CORIN: variants seen among roughly 807,000 people sequenced by gnomAD.
CORIN encodes corin, serine peptidase.
In CORIN, 117 loss-of-function variants were observed where a neutral mutation model predicts 125.3. The observed-to-expected ratio is 0.93, with a 90% CI of 0.80 to 1.09. The LOEUF is 1.09. Ranked by LOEUF, CORIN falls within the 50% of genes least tolerant of loss-of-function variation. The pLI is 0.00. For synonymous variants in CORIN, 450 were observed against 466.4 expected, an observed-to-expected ratio of 0.96 and a Z score of 0.45; for missense variants, 1,253 against 1,306.7, an observed-to-expected ratio of 0.96 and a Z score of 0.63.
chr4:47,691,514 T>C (rs1360200040), intron 6 of CORIN, among the ~76,000 whole-genome samples: 1 of 152,190 alleles, frequency 6.6e-6, no homozygotes, highest in Non-Finnish European at 1.5e-5. Context: ...GAAATATGCG[T>C]GGCATAATTG....
chr4:47,678,701 C>G (rs1038818743), intron 8 of CORIN, among the ~76,000 whole-genome samples: 2 of 152,222 alleles, frequency 1.3e-5, no homozygotes, highest in African/African-American at 4.8e-5. Flanking sequence ...TATCGGTTCT[C>G]TAAATTCTAT....
chr4:47,713,431 T>C (rs1726940135), intron 5 of CORIN, among the ~76,000 whole-genome samples: 1 of 152,184 alleles, frequency 6.6e-6, no homozygotes. Flanking sequence ...TACTTAAGAG[T>C]TGTAAATTCT....
chr4:47,836,242 A>G (rs762727446), intron 1 of CORIN, among the ~76,000 whole-genome samples: 3 of 152,190 alleles, frequency 2.0e-5, no homozygotes, highest in Non-Finnish European at 2.9e-5. Flanking sequence ...ACCAATTTTT[A>G]GCACAATCTC....
chr4:47,804,737 G>GA (rs199563735), intron 2 of CORIN, among the ~76,000 whole-genome samples: 1,864 of 98,544 alleles, frequency 0.019, 79 homozygotes, highest in African/African-American at 0.066. Flanking sequence ...GGGGTGGGGA[G>GA]GGGGGGGGTT....
At chr4:47,598,492 T>C (rs1408478862) in intron 21 of CORIN, among the ~76,000 whole-genome samples, 2 of 152,194 alleles carry the variant, frequency 1.3e-5, no homozygotes, top group Non-Finnish European at 2.9e-5. Context: ...CCCATGCCTG[T>C]GTCTGTGGGC....
chr4:47,821,024 T>TA (rs1238218261), intron 1 of CORIN, among the ~76,000 whole-genome samples: 9 of 152,036 alleles, frequency 5.9e-5, no homozygotes, highest in African/African-American at 1.9e-4. Flanking sequence ...ATCATGAGGT[T>TA]AGGAGTTCAA....
In CORIN at chr4:47,791,350, G is replaced by A. The variant is rs1042104594; in HGVS notation, c.209-4425C>T. ...AAGCAAGAGAATAGATTGTCCCATA[G>A]AGTCTGCAGAAGGAACACCTAAATT... On this transcript the variant is annotated intron_variant, in intron 2 of 21. Coordinates refer to ENST00000273857, the MANE Select transcript of CORIN (RefSeq NM_006587.4). Among the ~76,000 whole-genome samples, 3 of 152,144 alleles carry A rather than the reference G, an allele frequency of 2.0e-5. No homozygotes were observed. The South Asian group carries it at 6.2e-4, about 32-fold the overall frequency.
chr4:47,789,283 A>G (rs1730960830), intron 2 of CORIN, among the ~76,000 whole-genome samples: 1 of 152,240 alleles, frequency 6.6e-6, no homozygotes, highest in East Asian at 1.9e-4. Flanking sequence ...CAGCCAGGGC[A>G]ACAAGAGTGA....
At chr4:47,693,345 A>G (rs1725855500) in intron 5 of CORIN, among the ~76,000 whole-genome samples, 1 of 152,238 alleles carries the variant, frequency 6.6e-6, no homozygotes, top group Non-Finnish European at 1.5e-5. Flanking sequence ...TGAGGCATCC[A>G]TGTTCAGAGA....
intron 1 of CORIN, among the ~76,000 whole-genome samples, chr4:47,827,935 A>G (rs1732812733): frequency 6.6e-6 from 1 of 152,176 alleles, no homozygotes; most frequent in Non-Finnish European, 1.5e-5. Context: ...TCTGACCTCT[A>G]GCCAGAGTAG....
chr4:47,664,046 T>TA (rs1169415993), intron 11 of CORIN, among the ~76,000 whole-genome samples: 3 of 152,122 alleles, frequency 2.0e-5, no homozygotes, highest in East Asian at 1.9e-4. Flanking sequence ...TACTGCTTTT[T>TA]AAAAAAAACT....
intron 1 of CORIN, among the ~76,000 whole-genome samples, chr4:47,829,597 A>T (rs1365105685): frequency 1.3e-5 from 2 of 152,204 alleles, no homozygotes; most frequent in African/African-American, 2.4e-5. Flanking sequence ...ACTGTCATCT[A>T]AAGTGGGGGC....
At chr4:47,604,425 T>C (rs1721567597) in intron 19 of CORIN, among the ~76,000 whole-genome samples, 1 of 152,206 alleles carries the variant, frequency 6.6e-6, no homozygotes, top group South Asian at 2.1e-4. Flanking sequence ...ACCCCAAATG[T>C]ATATCTCCAG....
intron 19 of CORIN, among the ~76,000 whole-genome samples, chr4:47,611,705 A>G (rs1721876833): frequency 6.6e-6 from 1 of 152,188 alleles, no homozygotes; most frequent in Non-Finnish European, 1.5e-5. Context: ...GTTTTTGCCT[A>G]TGCTGCATGA....
chr4:47,700,040 C>T (rs1257671593), intron 5 of CORIN, among the ~76,000 whole-genome samples: 1 of 152,168 alleles, frequency 6.6e-6, no homozygotes, highest in Non-Finnish European at 1.5e-5. Flanking sequence ...CCATTTCAAC[C>T]AAAGAGCTCT....
intron 5 of CORIN, among the ~76,000 whole-genome samples, chr4:47,698,974 G>A (rs1467055610): frequency 2.0e-5 from 3 of 152,210 alleles, no homozygotes; most frequent in Non-Finnish European, 4.4e-5. Context: ...TAGCCTGGAC[G>A]TGTAGTAGGC....
At position 47,603,624 on chromosome 4, in the gene CORIN, T is replaced by C. The variant is rs201935596; in HGVS notation, c.2585A>G (p.Asn862Ser). 26 of 1,614,184 alleles carry C rather than the reference T, an allele frequency of 1.6e-5. No homozygotes were observed. The East Asian group carries it at 4.9e-4, about 30-fold the overall frequency. The change falls in exon 20 of 22, where the codon AAT becomes AGT. Residue 862 changes from asparagine (N) to serine (S), a missense_variant. Asn to Ser is a conservative substitution (Grantham distance 46). Coordinates refer to ENST00000273857, the MANE Select transcript of CORIN (RefSeq NM_006587.4). ...CATGAACACTGATGGATGGTCTAGA[T>C]TGTTGATGCCAAGCACCACTTTCCA... ...AVWKVVLGIN[N>S]LDHPSVFMQT...
intron 19 of CORIN, among the ~76,000 whole-genome samples, chr4:47,611,098 G>A (rs1028472415): frequency 6.6e-6 from 1 of 152,112 alleles, no homozygotes; most frequent in African/African-American, 2.4e-5. Context: ...GGTTTCATAT[G>A]AATTTTAAAA....
intron 3 of CORIN, among the ~76,000 whole-genome samples, chr4:47,785,380 C>T (rs577882529): frequency 1.0e-3 from 154 of 152,308 alleles, no homozygotes; most frequent in African/African-American, 3.6e-3. Flanking sequence ...TCATCTGTCA[C>T]CTCTCACCAA....
Sources: gnomAD v4.1 joint callset for allele counts (sites outside exome capture counted in the v4.1 genomes callset) on GRCh38, gnomAD v4.1.1 for gene constraint, MANE v1.5 for transcripts, NCBI Gene and HGNC (gene_info 2026-07-23, HGNC 2026-07-21) for gene names.